The following MYO3B variants were observed in gnomAD, a reference collection of about 807,000 sequenced individuals.
MYO3B encodes the protein myosin-IIIb.
A neutral mutation model predicts 174.6 loss-of-function variants in MYO3B; 156 were observed. The observed-to-expected ratio is 0.89, with a 90% CI of 0.78 to 1.02. The LOEUF (loss-of-function observed/expected upper bound fraction) is 1.02. MYO3B is among the 50% of genes least tolerant of loss of function. The probability of loss-of-function intolerance (pLI) is 0.00; values close to 1 mark genes in which losing one functional copy is unlikely to be tolerated. For missense variants in MYO3B, 1,632 were observed against 1,639.4 expected, an observed-to-expected ratio of 1.00 and a Z score of 0.08; for synonymous variants, 563 against 569.1, an observed-to-expected ratio of 0.99 and a Z score of 0.15.
chr2:170,453,628 G>A (rs1450433937), intron 23 of MYO3B, among the ~76,000 whole-genome samples: 1 of 152,080 alleles, frequency 6.6e-6, no homozygotes, highest in East Asian at 1.9e-4. Context: ...ATAGCTGTGG[G>A]GACCAAGCCC....
At chr2:170,264,377 A>G (rs762947140) in intron 7 of MYO3B, among the ~76,000 whole-genome samples, 1 of 152,228 alleles carries the variant, frequency 6.6e-6, no homozygotes, top group African/African-American at 2.4e-5. Context: ...GTCCTCTCCC[A>G]GTACAGGAAA....
intron 23 of MYO3B, among the ~76,000 whole-genome samples, chr2:170,461,993 C>A (rs1286264983): frequency 6.6e-6 from 1 of 152,196 alleles, no homozygotes; most frequent in East Asian, 1.9e-4. Context: ...GTTCTGTACT[C>A]AAATGGGGGT....
At chr2:170,584,623 G>A (rs926940633) in intron 32 of MYO3B, among the ~76,000 whole-genome samples, 4 of 152,232 alleles carry the variant, frequency 2.6e-5, no homozygotes, top group Admixed American at 2.6e-4. Flanking sequence ...AATACTCATA[G>A]GGATTAGGTG....
intron 7 of MYO3B, among the ~76,000 whole-genome samples, chr2:170,298,419 G>A (rs1237574664): frequency 6.6e-6 from 1 of 152,168 alleles, no homozygotes; most frequent in Non-Finnish European, 1.5e-5. Flanking sequence ...GCTCATGCCT[G>A]TAATCCCAAC....
intron 30 of MYO3B, among the ~76,000 whole-genome samples, chr2:170,529,757 T>C (rs1689232792): frequency 6.6e-6 from 1 of 152,218 alleles, no homozygotes; most frequent in Non-Finnish European, 1.5e-5. Flanking sequence ...GTGGAAAATA[T>C]TGCAGGAAAC....
chr2:170,407,588 G>GATATGAAAGCTCTGT (rs1298136768), intron 21 of MYO3B, 127 bp from the exon 22 acceptor site: 2 of 1,042,994 alleles, frequency 1.9e-6, no homozygotes, highest in Non-Finnish European at 2.9e-6. Context: ...TGGTGCTCTG[G>GATATGAAAGCTCTGT]ATATGAAAGC....
intron 32 of MYO3B, among the ~76,000 whole-genome samples, chr2:170,631,121 G>A (rs892541796): frequency 2.0e-5 from 3 of 152,034 alleles, no homozygotes; most frequent in Non-Finnish European, 4.4e-5. Context: ...GAGGAAGTTC[G>A]AACCCATCGC....
At chr2:170,607,000 A>G (rs910854518) in intron 32 of MYO3B, among the ~76,000 whole-genome samples, 3 of 152,214 alleles carry the variant, frequency 2.0e-5, no homozygotes, top group Non-Finnish European at 4.4e-5. Flanking sequence ...AGCCTGGGCA[A>G]AAAAAGCGAA....
intron 28 of MYO3B, 68 bp from the exon 29 acceptor site, chr2:170,514,853 C>G: frequency 1.4e-6 from 2 of 1,404,404 alleles, no homozygotes; most frequent in Non-Finnish European, 2.0e-6. Context: ...ACTTGTATCA[C>G]CCAGTTTGGT....
intron 6 of MYO3B, among the ~76,000 whole-genome samples, chr2:170,218,537 T>G (rs931923758): frequency 2.0e-5 from 3 of 152,222 alleles, no homozygotes; most frequent in Non-Finnish European, 4.4e-5. Context: ...TGCTTATGTT[T>G]CAGGACACAA....
Position 170,480,260 on chromosome 2 carries a change from G to T in MYO3B, c.3014+13549G>T, listed in dbSNP as rs533230268. Among the ~76,000 whole-genome samples the T allele has an allele frequency of 1.1e-4, 17 of 152,148 alleles. 1 individual carries two copies. The South Asian group carries it at 3.5e-3, about 32-fold the overall frequency. ...TTAATCTTCCCCTTTCTGATTGTGG[G>T]TCATAAGACCCTCCCCAGAGAGGGT... On this transcript the variant is annotated intron_variant, in intron 25 of 34. Transcript: ENST00000408978.
intron 19 of MYO3B, among the ~76,000 whole-genome samples, 162 bp downstream of exon 19, chr2:170,403,157 G>A (rs186374836): frequency 5.5e-4 from 84 of 152,294 alleles, no homozygotes; most frequent in Non-Finnish European, 6.8e-4. Flanking sequence ...TCTGGAAAAG[G>A]TCTCGATTTC....
chr2:170,380,704 A>T (rs562286774), intron 9 of MYO3B, among the ~76,000 whole-genome samples: 1 of 152,368 alleles, frequency 6.6e-6, no homozygotes, highest in South Asian at 2.1e-4. Flanking sequence ...TCCTTAGTGA[A>T]CAGTGCCCTC....
chr2:170,286,846 A>C (rs143944375), intron 7 of MYO3B, among the ~76,000 whole-genome samples: 1 of 151,962 alleles, frequency 6.6e-6, no homozygotes, highest in South Asian at 2.1e-4. Flanking sequence ...TAATAACTAC[A>C]TTTATATTTC....
chr2:170,421,687 C>A (rs2094616362), intron 22 of MYO3B, among the ~76,000 whole-genome samples: 1 of 152,184 alleles, frequency 6.6e-6, no homozygotes, highest in Non-Finnish European at 1.5e-5. Flanking sequence ...GGAGGAACTT[C>A]ACACCTTCCT....
At chr2:170,257,444 C>A (rs181191268) in intron 7 of MYO3B, among the ~76,000 whole-genome samples, 208 of 152,190 alleles carry the variant, frequency 1.4e-3, no homozygotes, top group African/African-American at 4.9e-3. Flanking sequence ...CTCTCAAAAC[C>A]ACACAATTGC....
At chr2:170,203,100 G>A (rs934471919) in intron 3 of MYO3B, among the ~76,000 whole-genome samples, 1 of 152,046 alleles carries the variant, frequency 6.6e-6, no homozygotes, top group African/African-American at 2.4e-5. Flanking sequence ...ATAGTGTTTT[G>A]GAAAATCTGT....
chr2:170,386,455 C>A (rs998828873), intron 13 of MYO3B, among the ~76,000 whole-genome samples, 183 bp downstream of exon 13: 1 of 151,964 alleles, frequency 6.6e-6, no homozygotes, highest in Admixed American at 6.6e-5. Flanking sequence ...CCTTCCTTCA[C>A]GTAGGGAGGA....
chr2:170,535,431 A>G (rs112240673), intron 30 of MYO3B, among the ~76,000 whole-genome samples: 1 of 152,196 alleles, frequency 6.6e-6, no homozygotes. Context: ...ATACCTCCAG[A>G]TATCATTGGG....
Sources: gnomAD v4.1 joint callset for allele counts (sites outside exome capture counted in the v4.1 genomes callset) on GRCh38, gnomAD v4.1.1 for gene constraint, MANE v1.5 for transcripts, NCBI Gene and HGNC (gene_info 2026-07-23, HGNC 2026-07-21) for gene names.